PTPRT: variants seen among roughly 807,000 people sequenced by gnomAD.
PTPRT encodes receptor-type tyrosine-protein phosphatase T.
PTPRT carries 56 observed loss-of-function variants against 176.8 expected under a neutral mutation model. That is an observed-to-expected ratio of 0.32 (90% CI 0.26 to 0.40). PTPRT has a LOEUF of 0.40. PTPRT is among the 10% of genes least tolerant of loss of function. The pLI, the probability that PTPRT is intolerant of heterozygous loss-of-function variation, is 1.00. For synonymous variants in PTPRT, 783 were observed against 739.0 expected, an observed-to-expected ratio of 1.06 and a Z score of -0.96; for missense variants, 1,540 against 1,908.2, an observed-to-expected ratio of 0.81 and a Z score of 3.60.
chr20:42,930,611 T>G (rs1979779448), intron 1 of PTPRT, among the ~76,000 whole-genome samples: 2 of 152,046 alleles, frequency 1.3e-5, no homozygotes, highest in African/African-American at 4.8e-5. Context: ...GCCTCCCAAG[T>G]AGCTAGGACT....
intron 15 of PTPRT, among the ~76,000 whole-genome samples, chr20:42,228,878 T>A (rs1463824300): frequency 6.6e-6 from 1 of 152,178 alleles, no homozygotes; most frequent in Non-Finnish European, 1.5e-5. Flanking sequence ...AAGGGCAGGA[T>A]AACCTGGGAA....
chr20:42,797,591 G>A (rs2077470401), intron 2 of PTPRT, among the ~76,000 whole-genome samples: 1 of 151,454 alleles, frequency 6.6e-6, no homozygotes, highest in African/African-American at 2.4e-5. Flanking sequence ...CAGAATAAGG[G>A]CCTCCCAAAG....
intron 9 of PTPRT, among the ~76,000 whole-genome samples, chr20:42,398,663 C>G (rs2058875301): frequency 6.6e-6 from 1 of 152,064 alleles, no homozygotes; most frequent in African/African-American, 2.4e-5. Flanking sequence ...TCTTTAATAA[C>G]AATAATTACC....
At chr20:42,104,470 T>G in intron 25 of PTPRT, 99 bp downstream of exon 25, 1 of 1,311,958 alleles carries the variant, frequency 7.6e-7, no homozygotes, top group Non-Finnish European at 1.0e-6. Context: ...AGAAATGTAA[T>G]GAATAAGTGT....
intron 1 of PTPRT, among the ~76,000 whole-genome samples, chr20:43,027,581 C>T (rs1985967788): frequency 6.6e-6 from 1 of 151,994 alleles, no homozygotes; most frequent in Non-Finnish European, 1.5e-5. Flanking sequence ...ACGTGTGGCA[C>T]AGAAGAAAGA....
At chr20:42,922,128 G>A (rs1979184828) in intron 1 of PTPRT, among the ~76,000 whole-genome samples, 1 of 152,154 alleles carries the variant, frequency 6.6e-6, no homozygotes, top group Non-Finnish European at 1.5e-5. Context: ...TAGAGATGGG[G>A]TTTCGCTATA....
chr20:42,312,619 A>T (rs1472222667), intron 12 of PTPRT, among the ~76,000 whole-genome samples: 1 of 152,140 alleles, frequency 6.6e-6, no homozygotes, highest in African/African-American at 2.4e-5. Flanking sequence ...CCCGCAAGAC[A>T]TGTGGCATAA....
intron 18 of PTPRT, among the ~76,000 whole-genome samples, chr20:42,129,926 A>G (rs1265768313): frequency 6.6e-6 from 1 of 152,220 alleles, no homozygotes; most frequent in African/African-American, 2.4e-5. Context: ...TCAGTAGTAC[A>G]TGGAAAAGGT....
At chr20:43,061,732 T>C (rs74743195) in intron 1 of PTPRT, among the ~76,000 whole-genome samples, 14,023 of 152,304 alleles carry the variant, frequency 0.092, 745 homozygotes, top group Middle Eastern at 0.14. Context: ...ATTTTACAGA[T>C]CTGATCCAAC....
chr20:42,632,596 C>T (rs981927217), intron 7 of PTPRT, among the ~76,000 whole-genome samples: 5 of 151,154 alleles, frequency 3.3e-5, no homozygotes, highest in African/African-American at 1.2e-4. Flanking sequence ...TCTATATTTA[C>T]TATGTTTACT....
intron 1 of PTPRT, among the ~76,000 whole-genome samples, chr20:43,140,353 T>A (rs1277930787): frequency 6.6e-6 from 1 of 152,104 alleles, no homozygotes; most frequent in Non-Finnish European, 1.5e-5. Context: ...ATACATTTCC[T>A]GCACATGAAC....
intron 18 of PTPRT, among the ~76,000 whole-genome samples, chr20:42,129,213 C>G (rs1988010032): frequency 6.6e-6 from 1 of 152,172 alleles, no homozygotes; most frequent in Non-Finnish European, 1.5e-5. Flanking sequence ...ACTCCATTTT[C>G]ATGTTGTTTA....
At chr20:42,714,764 C>T (rs545613234) in intron 6 of PTPRT, among the ~76,000 whole-genome samples, 1 of 152,304 alleles carries the variant, frequency 6.6e-6, no homozygotes, top group Admixed American at 6.5e-5. Flanking sequence ...AACAGCATCG[C>T]AGTCTTGTTG....
intron 9 of PTPRT, among the ~76,000 whole-genome samples, chr20:42,363,270 T>TTTTATA (rs1312740759): frequency 0.019 from 562 of 30,360 alleles, 42 homozygotes; most frequent in Non-Finnish European, 0.025. Context: ...TTTATTACAA[T>TTTTATA]TATATATATA....
intron 1 of PTPRT, among the ~76,000 whole-genome samples, chr20:43,154,929 G>A (rs2014474349): frequency 6.6e-6 from 1 of 152,056 alleles, no homozygotes; most frequent in African/African-American, 2.4e-5. Flanking sequence ...ACATACAAAT[G>A]GCCAACGGGT....
intron 1 of PTPRT, among the ~76,000 whole-genome samples, chr20:43,141,805 G>T (rs1412187897): frequency 6.6e-6 from 1 of 152,142 alleles, no homozygotes; most frequent in African/African-American, 2.4e-5. Context: ...TCCCAGAACA[G>T]TTTCTTGAAA....
chr20:42,058,491 C>T, the PTPRT span, among the ~76,000 whole-genome samples: 1 of 152,170 alleles, frequency 6.6e-6, no homozygotes, highest in Non-Finnish European at 1.5e-5. Flanking sequence ...TCATATTCTC[C>T]AAGCCCCTCA....
At chr20:42,240,727 C>T (rs982500347) in intron 14 of PTPRT, among the ~76,000 whole-genome samples, 3 of 152,090 alleles carry the variant, frequency 2.0e-5, no homozygotes, top group African/African-American at 7.2e-5. Context: ...TCCCATCCAT[C>T]CATCCACCCA....
intron 6 of PTPRT, among the ~76,000 whole-genome samples, chr20:42,719,949 A>C (rs926802663): frequency 6.6e-6 from 1 of 152,226 alleles, no homozygotes; most frequent in Non-Finnish European, 1.5e-5. Context: ...TTCCTACCAA[A>C]GGCCTCCGCC....
Sources: allele counts gnomAD v4.1 joint callset (sites outside exome capture counted in the v4.1 genomes callset), GRCh38; gene constraint gnomAD v4.1.1; transcripts MANE v1.5; gene names NCBI Gene and HGNC (gene_info 2026-07-23, HGNC 2026-07-21).